DSCAML1: variants seen among roughly 807,000 people sequenced by gnomAD.
The protein encoded by DSCAML1 is cell adhesion molecule DSCAML1.
In DSCAML1, 38 loss-of-function variants were observed where a neutral mutation model predicts 200.5. That is an observed-to-expected ratio of 0.19 (90% confidence interval 0.15 to 0.25). DSCAML1 has a LOEUF of 0.25. Ranked by LOEUF, DSCAML1 falls within the 10% of genes least tolerant of loss-of-function variation. The pLI is 1.00. For synonymous variants in DSCAML1, 1,215 were observed against 1,165.0 expected (o/e 1.04, Z -0.87); for missense variants, 2,223 against 2,858.8 (o/e 0.78, Z 5.07).
intron 16 of DSCAML1, among the ~76,000 whole-genome samples, chr11:117,467,801 A>T (rs1478984883): frequency 1.3e-5 from 2 of 152,174 alleles, no homozygotes; most frequent in Non-Finnish European, 2.9e-5. Context: ...ATAGATACAA[A>T]TGTATCTTCA....
chr11:117,715,227 T>C (rs1016522464), intron 3 of DSCAML1, among the ~76,000 whole-genome samples: 1 of 152,148 alleles, frequency 6.6e-6, no homozygotes, highest in Non-Finnish European at 1.5e-5. Context: ...CAGCATGCAC[T>C]GCTCCCTCCT....
intron 3 of DSCAML1, among the ~76,000 whole-genome samples, chr11:117,549,987 C>T (rs1469568572): frequency 2.0e-5 from 3 of 152,308 alleles, no homozygotes; most frequent in East Asian, 1.9e-4. Flanking sequence ...CTGGTCCATG[C>T]ACCAACCTTT....
At chr11:117,554,452 C>A (rs2050522096) in intron 3 of DSCAML1, among the ~76,000 whole-genome samples, 1 of 152,104 alleles carries the variant, frequency 6.6e-6, no homozygotes, top group Non-Finnish European at 1.5e-5. Flanking sequence ...GCGATCTCGG[C>A]TCACTGAAAC....
intron 3 of DSCAML1, among the ~76,000 whole-genome samples, chr11:117,656,106 C>T (rs2052728832): frequency 6.6e-6 from 1 of 152,192 alleles, no homozygotes; most frequent in South Asian, 2.1e-4. Context: ...GGCGTGGTGG[C>T]GTACGCCTGT....
intron 3 of DSCAML1, among the ~76,000 whole-genome samples, chr11:117,660,503 G>C (rs2052824393): frequency 6.6e-6 from 1 of 152,134 alleles, no homozygotes; most frequent in Non-Finnish European, 1.5e-5. Context: ...TAGGCAGCAA[G>C]GGCAAAGTCT....
At chr11:117,442,458 C>T (rs11216392) in intron 21 of DSCAML1, among the ~76,000 whole-genome samples, 10,029 of 150,594 alleles carry the variant, frequency 0.067, 478 homozygotes, top group Middle Eastern at 0.11. Flanking sequence ...TAAGTGTGTG[C>T]GCGTGCATAT....
Position 117,518,829 on chromosome 11 carries a change from C to A in DSCAML1, c.1214-67G>T. On this transcript the variant is annotated intron_variant, in intron 6 of 32. Coordinates refer to ENST00000651296, the MANE Select transcript of DSCAML1 (RefSeq NM_020693.4). The surrounding 1 kb of genome is among the most constrained non-coding windows in gnomAD (Gnocchi z 6.3). ...GGAGAGACGGTCCCCCCAGCCACCC[C>A]ACCTCAGCAGGGGAGGAGGCAAAAA... 1 of 1,517,534 alleles carries A rather than the reference C, an allele frequency of 6.6e-7. No individual in the cohort carries two copies. The highest frequency in any genetic ancestry group is 2.0e-4 in the Middle Eastern group (1 of 4,926). 94.0% of individuals were successfully genotyped at this position (1,517,534 alleles called of 1,614,324 possible).
intron 3 of DSCAML1, among the ~76,000 whole-genome samples, chr11:117,762,796 G>A (rs891259922): frequency 2.6e-5 from 4 of 151,940 alleles, no homozygotes; most frequent in Non-Finnish European, 5.9e-5. Flanking sequence ...CCATGAGGTG[G>A]AGGTTGCAGT....
chr11:117,567,351 G>C (rs1002981092), intron 3 of DSCAML1, among the ~76,000 whole-genome samples: 2 of 151,958 alleles, frequency 1.3e-5, no homozygotes, highest in African/African-American at 4.8e-5. Flanking sequence ...ATTTTTTCAT[G>C]TGTTTTTTGG....
At chr11:117,630,624 T>C (rs6589617) in intron 3 of DSCAML1, among the ~76,000 whole-genome samples, 103,880 of 140,500 alleles carry the variant, frequency 0.74, 38,420 homozygotes, top group Admixed American at 0.79. Context: ...TGTAGTCCCG[T>C]CTTACAGATT....
At chr11:117,707,594 C>T (rs888377348) in intron 3 of DSCAML1, among the ~76,000 whole-genome samples, 3 of 152,000 alleles carry the variant, frequency 2.0e-5, no homozygotes, top group Admixed American at 6.5e-5. Flanking sequence ...AGTGCGGTGG[C>T]GTGACCTCGA....
chr11:117,585,024 G>A (rs1361522054), intron 3 of DSCAML1, among the ~76,000 whole-genome samples: 2 of 152,174 alleles, frequency 1.3e-5, no homozygotes, highest in African/African-American at 2.4e-5. Context: ...AGTAGTGAAT[G>A]GCCTGAGTCT....
At chr11:117,517,758 C>T (rs1439532068) in intron 7 of DSCAML1, among the ~76,000 whole-genome samples, 3 of 152,214 alleles carry the variant, frequency 2.0e-5, no homozygotes, top group Non-Finnish European at 2.9e-5. Context: ...CAGATGAAGA[C>T]CAGTCAGACC....
At chr11:117,695,515 C>A (rs2053575047) in intron 3 of DSCAML1, among the ~76,000 whole-genome samples, 3 of 151,990 alleles carry the variant, frequency 2.0e-5, no homozygotes, top group Non-Finnish European at 2.9e-5. Context: ...CAAGAGAGCT[C>A]AGGCCAGAGC....
Position 117,776,846 on chromosome 11 carries a change from C to A in DSCAML1, c.456G>T (p.Val152=). 1 of 1,614,188 alleles carries A rather than the reference C, an allele frequency of 6.2e-7. No homozygotes were observed. The highest frequency in any genetic ancestry group is 1.1e-5 in the South Asian group (1 of 91,080). The change falls in exon 3 of 33, where the codon GTG becomes GTT. Residue 152 remains valine (V), a synonymous_variant. Transcript: ENST00000651296. ...AAGATACAACGCTAACATATTCCTG[C>A]ACTGAAGAGGGGATGAGGCACTTGA... The part of the protein sequence containing the change: ...AVFKCLIPSS[V]QEYVSVVSWE...
chr11:117,480,736 C>T lies in DSCAML1; in HGVS notation c.2657-165G>A, dbSNP rs537550995. 3.3e-5 allele frequency among the ~76,000 whole-genome samples: 5 copies of T among 152,252 alleles called. No homozygotes were observed. In the East Asian group the frequency reaches 9.7e-4, roughly 29 times the overall value. ...GGAGGCCAGCAGCCAGGCTTGGAGG[C>T]TGAGGAGGCCTGGCTTGCTCTCCTG... is the stretch of plus-strand genomic sequence containing the variant. On this transcript the variant is annotated intron_variant, in intron 13 of 32. Coordinates refer to ENST00000651296, the MANE Select transcript of DSCAML1 (RefSeq NM_020693.4). The surrounding 1 kb of genome is among the most constrained non-coding windows in gnomAD (Gnocchi z 4.1).
chr11:117,701,518 C>T (rs898059080), intron 3 of DSCAML1, among the ~76,000 whole-genome samples: 1 of 152,206 alleles, frequency 6.6e-6, no homozygotes, highest in Non-Finnish European at 1.5e-5. Flanking sequence ...TGGAGGTACA[C>T]AGGCAGGCCT....
intron 3 of DSCAML1, among the ~76,000 whole-genome samples, chr11:117,649,534 C>T (rs146186067): frequency 1.1e-3 from 161 of 152,248 alleles, no homozygotes; most frequent in African/African-American, 3.6e-3. Context: ...GGCAGCTTCC[C>T]GTGGTCACCA....
rs142489934 is a variant in DSCAML1, at chr11:117,450,576, G to C, written c.3681C>G (p.Phe1227Leu). ...PNGVIRKYTI[F>L]CSSPGSGQPA... ...GCTGGCCAGACCCGGGGCTGGAACA[G>C]AAGATGGTGTACTTGCGGATCACCC... The change falls in exon 20 of 33, where the codon TTC (phenylalanine) becomes TTG (leucine). Residue 1227 changes from phenylalanine to leucine, a missense_variant. By Grantham distance (22) the Phe-to-Leu change is conservative. This residue lies in a region of DSCAML1 where 438 missense variants were observed against 629.7 expected (regional missense o/e 0.70). Coordinates refer to ENST00000651296, the MANE Select transcript of DSCAML1 (RefSeq NM_020693.4). The C allele has an allele frequency of 4.9e-5, 79 of 1,614,200 alleles. No individual in the cohort carries two copies. In the African/African-American group the frequency reaches 9.9e-4, roughly 20 times the overall value.
Sources: gnomAD v4.1 joint callset for allele counts (sites outside exome capture counted in the v4.1 genomes callset) on GRCh38, gnomAD v4.1.1 for gene constraint, gnomAD v4.1.1 regional missense constraint, Gnocchi (gnomAD v3.1) non-coding constraint, MANE v1.5 for transcripts, NCBI Gene and HGNC (gene_info 2026-07-23, HGNC 2026-07-21) for gene names.